Variants in PCBD2 observed in about 807,000 individuals in gnomAD.
PCBD2 encodes the protein pterin-4 alpha-carbinolamine dehydratase 2, also known as pterin-4-alpha-carbinolamine dehydratase 2.
In PCBD2, 12 loss-of-function variants were observed where a neutral mutation model predicts 16.4. The observed-to-expected ratio is 0.73, with a 90% CI of 0.47 to 1.19. The LOEUF (loss-of-function observed/expected upper bound fraction) is 1.19, where lower values mean the gene tolerates loss of function less well. Ranked by LOEUF, PCBD2 falls within the 50% of genes most tolerant of loss-of-function variation. PCBD2 has a pLI of 0.00. For missense variants in PCBD2, 138 were observed against 156.8 expected (o/e 0.88, Z 0.64); for synonymous variants, 58 against 61.8 (o/e 0.94, Z 0.29).
chr5:134,928,572 C>T (rs1201069308), intron 2 of PCBD2: 1 of 226,658 alleles, frequency 4.4e-6, no homozygotes, highest in Non-Finnish European at 8.5e-6. Flanking sequence ...CGGTGGCTCA[C>T]GCCTGTAATC....
intron 2 of PCBD2, among the ~76,000 whole-genome samples, chr5:134,936,128 G>A (rs2149536399): frequency 6.6e-6 from 1 of 152,352 alleles, no homozygotes; most frequent in South Asian, 2.1e-4. Context: ...AATAACTGAT[G>A]TGGAACCTTG....
chr5:134,920,882 A>G (rs1454732518), intron 2 of PCBD2, among the ~76,000 whole-genome samples: 2 of 152,254 alleles, frequency 1.3e-5, no homozygotes, highest in African/African-American at 4.8e-5. Context: ...GCCAGGCTGT[A>G]CTTGAACTCC....
At chr5:134,910,240 A>G in intron 1 of PCBD2, 95 bp from the exon 2 acceptor site, 2 of 1,359,506 alleles carry the variant, frequency 1.5e-6, no homozygotes, top group Admixed American at 2.2e-5. Flanking sequence ...GTTGCCTTTC[A>G]GACTTTTCTA....
intron 1 of PCBD2, among the ~76,000 whole-genome samples, chr5:134,906,310 T>G (rs1750689457): frequency 6.7e-6 from 1 of 148,534 alleles, no homozygotes; most frequent in East Asian, 2.0e-4. Context: ...TTCACGCCAT[T>G]TTCCTGCCTC....
chr5:134,935,872 A>G (rs773176914), intron 2 of PCBD2, among the ~76,000 whole-genome samples: 2 of 152,190 alleles, frequency 1.3e-5, no homozygotes, highest in Non-Finnish European at 2.9e-5. Context: ...CGTAGCCCTG[A>G]GTGGAAATGC....
chr5:134,907,458 G>A (rs1750709888), intron 1 of PCBD2, among the ~76,000 whole-genome samples: 1 of 151,958 alleles, frequency 6.6e-6, no homozygotes, highest in South Asian at 2.1e-4. Flanking sequence ...GGCCAGGCTG[G>A]CCTCGAACTC....
At chr5:134,926,007 G>C (rs1750988965) in intron 2 of PCBD2, 1 of 382,820 alleles carries the variant, frequency 2.6e-6, no homozygotes, top group Non-Finnish European at 4.6e-6. Flanking sequence ...TGAGTAAAAA[G>C]GATATAATTC....
chr5:134,933,312 T>A (rs1751120428), intron 2 of PCBD2, among the ~76,000 whole-genome samples: 1 of 152,226 alleles, frequency 6.6e-6, no homozygotes, highest in Non-Finnish European at 1.5e-5. Context: ...CTTGGCTCAC[T>A]GCAGCCTCTA....
chr5:134,922,715 T>TGC, intron 2 of PCBD2, among the ~76,000 whole-genome samples: 1 of 149,216 alleles, frequency 6.7e-6, no homozygotes, highest in Admixed American at 6.8e-5. Context: ...CAGGCTGGAG[T>TGC]GCAGTGGCGT....
intron 2 of PCBD2, chr5:134,924,756 T>C (rs113363601): frequency 2.5e-6 from 1 of 394,592 alleles, no homozygotes; most frequent in Non-Finnish European, 4.5e-6. Context: ...AGATTTGGTG[T>C]TGTGAGATTG....
chr5:134,942,813 T>C (rs1751245360), intron 2 of PCBD2, among the ~76,000 whole-genome samples: 1 of 152,166 alleles, frequency 6.6e-6, no homozygotes, highest in South Asian at 2.1e-4. Context: ...AGCCAAGTCA[T>C]ACAGCCTGCT....
intron 2 of PCBD2, among the ~76,000 whole-genome samples, chr5:134,913,087 T>C (rs1200524751): frequency 6.6e-6 from 1 of 152,208 alleles, no homozygotes; most frequent in Non-Finnish European, 1.5e-5. Flanking sequence ...TGTGGTTACA[T>C]TTAAAAAAAT....
At chr5:134,916,270 A>G (rs1188822121) in intron 2 of PCBD2, among the ~76,000 whole-genome samples, 2 of 152,224 alleles carry the variant, frequency 1.3e-5, no homozygotes, top group Admixed American at 6.5e-5. Flanking sequence ...AGGCTGAGCG[A>G]AAGTGTGAGA....
Position 134,960,642 on chromosome 5 carries a change from G to T in PCBD2, c.354G>T (p.Lys118Asn). The part of the protein sequence containing the change: ...DCGELTKKDV[K>N]LAKFIEKAAA... ...GTGAACTGACCAAAAAAGATGTGAA[G>T]CTGGCCAAGTTTATTGAAAAAGCAG... is the stretch of plus-strand genomic sequence containing the variant. The change falls in exon 4 of 4, where the codon AAG becomes AAT. Residue 118 changes from lysine to asparagine, a missense_variant. Lys to Asn is a moderately conservative substitution (Grantham distance 94). Coordinates refer to ENST00000254908, the MANE Select transcript of PCBD2 (RefSeq NM_032151.5). 1 of 1,613,610 alleles carries T rather than the reference G, an allele frequency of 6.2e-7. No homozygotes were observed. The highest frequency in any genetic ancestry group is 8.5e-7 in the Non-Finnish European group (1 of 1,179,524).
intron 1 of PCBD2, among the ~76,000 whole-genome samples, chr5:134,907,381 C>G (rs1023605253): frequency 6.6e-6 from 1 of 152,100 alleles, no homozygotes; most frequent in South Asian, 2.1e-4. Flanking sequence ...GTAGCTGAGA[C>G]TATAGGCGCG....
At chr5:134,910,218 T>C in intron 1 of PCBD2, 117 bp from the exon 2 acceptor site, 4 of 1,083,744 alleles carry the variant, frequency 3.7e-6, no homozygotes, top group South Asian at 3.1e-5. Flanking sequence ...GAATGAAAGA[T>C]GGTTAGAATT....
At chr5:134,915,740 T>C (rs1273550217) in intron 2 of PCBD2, among the ~76,000 whole-genome samples, 3 of 152,154 alleles carry the variant, frequency 2.0e-5, no homozygotes, top group Admixed American at 6.5e-5. Flanking sequence ...CATGAGCCGC[T>C]GCACCAGGCC....
At chr5:134,940,995 A>C (rs1205994956) in intron 2 of PCBD2, among the ~76,000 whole-genome samples, 3 of 151,936 alleles carry the variant, frequency 2.0e-5, no homozygotes, top group Admixed American at 6.6e-5. Flanking sequence ...CATGCCTGTA[A>C]TCCCAGCTAC....
At chr5:134,927,716 A>C (rs748263372) in intron 2 of PCBD2, 20 of 398,054 alleles carry the variant, frequency 5.0e-5, no homozygotes, top group Non-Finnish European at 8.9e-5. Flanking sequence ...TGAATGTCAT[A>C]ATTAAGGAGA....
Sources: gnomAD v4.1 joint callset for allele counts (sites outside exome capture counted in the v4.1 genomes callset) on GRCh38, gnomAD v4.1.1 for gene constraint, MANE v1.5 for transcripts, NCBI Gene and HGNC (gene_info 2026-07-23, HGNC 2026-07-21) for gene names.